TNS3: variants seen among roughly 807,000 people sequenced by gnomAD.
The protein encoded by TNS3 is tensin-3.
TNS3 carries 45 observed loss-of-function variants against 140.9 expected under a neutral mutation model. The ratio of observed to expected loss-of-function variants is 0.32; its 90% CI spans 0.25 to 0.41. The LOEUF is 0.41. Ranked by LOEUF, TNS3 falls within the 10% of genes least tolerant of loss-of-function variation. The pLI is 1.00. For missense variants in TNS3, 1,716 were observed against 1,906.7 expected (o/e 0.90, Z 1.86); for synonymous variants, 815 against 788.4 (o/e 1.03, Z -0.56).
intron 16 of TNS3, among the ~76,000 whole-genome samples, chr7:47,395,701 C>A (rs1792789927): frequency 6.6e-6 from 1 of 152,166 alleles, no homozygotes; most frequent in African/African-American, 2.4e-5. Flanking sequence ...CTTTACAGGC[C>A]AGAGCAAAGC....
intron 2 of TNS3, among the ~76,000 whole-genome samples, chr7:47,518,606 C>G (rs999199331): frequency 6.6e-6 from 1 of 152,128 alleles, no homozygotes; most frequent in Non-Finnish European, 1.5e-5. Context: ...AGTTGGCAGG[C>G]TTATTTGAGG....
At chr7:47,388,813 G>A (rs1006589621) in intron 16 of TNS3, among the ~76,000 whole-genome samples, 5 of 151,948 alleles carry the variant, frequency 3.3e-5, no homozygotes, top group Non-Finnish European at 5.9e-5. Context: ...GTTGCAGTGA[G>A]CCAAGATTGG....
intron 16 of TNS3, among the ~76,000 whole-genome samples, chr7:47,380,136 T>C (rs1365417142): frequency 6.6e-6 from 1 of 152,198 alleles, no homozygotes; most frequent in Non-Finnish European, 1.5e-5. Context: ...AGCACTGTGC[T>C]CCGAGTGGGG....
intron 4 of TNS3, among the ~76,000 whole-genome samples, chr7:47,478,805 G>T (rs1281997217): frequency 6.6e-6 from 1 of 151,898 alleles, no homozygotes; most frequent in Non-Finnish European, 1.5e-5. Context: ...ACAATTACAT[G>T]TATAACATGC....
intron 4 of TNS3, among the ~76,000 whole-genome samples, chr7:47,467,627 T>C (rs1796773952): frequency 1.3e-5 from 2 of 151,944 alleles, no homozygotes; most frequent in Non-Finnish European, 2.9e-5. Flanking sequence ...ACAGTATGAG[T>C]GAAGTTTCTG....
rs1320768589 is a variant in TNS3 at position 47,303,116 on chromosome 7, G to A, written c.3291C>T (p.Pro1097=). The A allele has an allele frequency of 1.2e-6, 2 of 1,613,942 alleles. No individual in the cohort carries two copies. Among genetic ancestry groups the A allele is most frequent in the African/African-American group, 2.7e-5 (2 of 74,958 alleles). ...CCGAGGCCCGCTTCTTCTCAGGGAG[G>A]GGTGGCTGCCCGGGCAGGGTCACAC... ...GQGVTLPGQP[P]LPEKKRASEG... is the part of the protein sequence containing the mutation. The change falls in exon 22 of 31, where the codon CCC becomes CCT. Residue 1097 remains proline (P), a synonymous_variant. Coordinates refer to ENST00000311160, the MANE Select transcript of TNS3 (RefSeq NM_022748.12).
intron 4 of TNS3, among the ~76,000 whole-genome samples, chr7:47,448,002 G>GA (rs1795835209): frequency 6.6e-6 from 1 of 152,232 alleles, no homozygotes; most frequent in African/African-American, 2.4e-5. Context: ...AGGCAGAGAA[G>GA]ACAGCAGGAG....
chr7:47,379,788 C>A (rs1791636456), intron 16 of TNS3, among the ~76,000 whole-genome samples: 1 of 152,196 alleles, frequency 6.6e-6, no homozygotes, highest in South Asian at 2.1e-4. Flanking sequence ...AGGTGCCCAG[C>A]AGGAAAGAGG....
intron 1 of TNS3, among the ~76,000 whole-genome samples, chr7:47,532,052 G>C (rs1466941515): frequency 8.0e-6 from 1 of 124,510 alleles, no homozygotes; most frequent in Non-Finnish European, 1.7e-5. Context: ...GCACCCTCGG[G>C]CGCATGGGAA....
chr7:47,494,507 G>A (rs1797928118), intron 3 of TNS3, among the ~76,000 whole-genome samples: 1 of 152,254 alleles, frequency 6.6e-6, no homozygotes, highest in Non-Finnish European at 1.5e-5. Flanking sequence ...GAAAGACACA[G>A]TTGTGAGTTT....
At chr7:47,479,522 T>C (rs1224924865) in intron 4 of TNS3, among the ~76,000 whole-genome samples, 2 of 124,966 alleles carry the variant, frequency 1.6e-5, no homozygotes, top group African/African-American at 6.1e-5. Flanking sequence ...ACAGGAGGAA[T>C]GGAGTGAGAC....
chr7:47,475,929 C>T (rs1797179837), intron 4 of TNS3, among the ~76,000 whole-genome samples: 1 of 152,100 alleles, frequency 6.6e-6, no homozygotes, highest in African/African-American at 2.4e-5. Context: ...TCATCGGTGC[C>T]CTCACCCTCA....
At chr7:47,559,220 C>T (rs1448456173) in intron 1 of TNS3, among the ~76,000 whole-genome samples, 4 of 152,152 alleles carry the variant, frequency 2.6e-5, no homozygotes, top group East Asian at 1.9e-4. Context: ...CATGGTGACG[C>T]GCGCCTGTAG....
chr7:47,385,663 A>G (rs1324678074), intron 16 of TNS3, among the ~76,000 whole-genome samples: 2 of 152,196 alleles, frequency 1.3e-5, no homozygotes, highest in Non-Finnish European at 2.9e-5. Context: ...AGAGCAATAT[A>G]TTACATGTAC....
At position 47,565,524 on chromosome 7, in the gene TNS3, C is replaced by T. The variant is rs536908250; in HGVS notation, c.-265+16527G>A. 6.6e-5 allele frequency among the ~76,000 whole-genome samples: 10 copies of T among 152,082 alleles called. No homozygotes were observed. The East Asian group carries it at 1.5e-3, about 24-fold the overall frequency. On this transcript the variant is annotated intron_variant, in intron 1 of 30. Coordinates refer to ENST00000311160, the MANE Select transcript of TNS3 (RefSeq NM_022748.12). ...TGGAACTACAGGCGCACACCATATG[C>T]CCAGCTGATTTTTTGTATTTTTAGT...
At position 47,407,081 on chromosome 7, in the gene TNS3, C is replaced by T. The variant is rs555607437; in HGVS notation, c.723+4646G>A. On this transcript the variant is annotated intron_variant, in intron 13 of 30. Transcript: ENST00000311160. This position sits in a 1 kb window ranked among gnomAD's most constrained non-coding sequence, Gnocchi z 4.1. Reference sequence around the variant, plus strand: ...GGGATGCTTTGCCAATAATGAGAAACGTGCAACCGCATTTTTTTCTTCCTG... The same window carrying T: ...GGGATGCTTTGCCAATAATGAGAAATGTGCAACCGCATTTTTTTCTTCCTG... 1.3e-5 allele frequency among the ~76,000 whole-genome samples: 2 copies of T among 152,256 alleles called. No homozygotes were observed. Among genetic ancestry groups the T allele is most frequent in the East Asian group, 3.9e-4 (2 of 5,172 alleles).
chr7:47,538,517 T>C (rs34739438), intron 1 of TNS3, among the ~76,000 whole-genome samples: 58,395 of 151,988 alleles, frequency 0.38, 11,900 homozygotes, highest in Middle Eastern at 0.49. Context: ...TCCACATGCC[T>C]TGGATGTGGG....
chr7:47,571,853 C>T (rs76543418), intron 1 of TNS3, among the ~76,000 whole-genome samples: 3,407 of 152,342 alleles, frequency 0.022, 132 homozygotes, highest in African/African-American at 0.078. Flanking sequence ...GCTGGCCACA[C>T]AGCTGTGCTT....
At chr7:47,417,641 G>A (rs1185433401) in intron 10 of TNS3, among the ~76,000 whole-genome samples, 2 of 152,108 alleles carry the variant, frequency 1.3e-5, no homozygotes, top group Non-Finnish European at 1.5e-5. Context: ...GTCCTTTATA[G>A]AAAACAACTT....
Sources: allele counts gnomAD v4.1 joint callset (sites outside exome capture counted in the v4.1 genomes callset), GRCh38; gene constraint gnomAD v4.1.1; non-coding constraint Gnocchi (gnomAD v3.1); transcripts MANE v1.5; gene names NCBI Gene and HGNC (gene_info 2026-07-23, HGNC 2026-07-21).